Variants in EPRS1 observed in about 807,000 individuals in gnomAD.
EPRS1 encodes bifunctional glutamate/proline--tRNA ligase.
In EPRS1, 107 loss-of-function variants were observed where a neutral mutation model predicts 188.3. The ratio of observed to expected loss-of-function variants is 0.57; its 90% confidence interval spans 0.49 to 0.67. EPRS1 has a LOEUF of 0.67. Ranked by LOEUF, EPRS1 falls within the 30% of genes least tolerant of loss-of-function variation. The pLI, the probability that EPRS1 is intolerant of heterozygous loss-of-function variation, is 0.00. For missense variants in EPRS1, 1,577 were observed against 1,802.2 expected (o/e 0.88, Z 2.26); for synonymous variants, 596 against 593.1 (o/e 1.00, Z -0.07).
At chr1:219,993,733 T>C (rs1661167793) in intron 18 of EPRS1, among the ~76,000 whole-genome samples, 1 of 152,222 alleles carries the variant, frequency 6.6e-6, no homozygotes, top group Non-Finnish European at 1.5e-5. Context: ...TATAACTCTC[T>C]AGCGCTTTCA....
intron 28 of EPRS1, among the ~76,000 whole-genome samples, chr1:219,977,712 A>G (rs1216537325): frequency 6.6e-6 from 1 of 152,230 alleles, no homozygotes. Flanking sequence ...CAATATAATT[A>G]CCATTCCTCA....
At chr1:220,016,626 C>G (rs1433059665) in intron 12 of EPRS1, among the ~76,000 whole-genome samples, 4 of 101,340 alleles carry the variant, frequency 3.9e-5, no homozygotes, top group African/African-American at 1.6e-4. Flanking sequence ...ACTATGTTGT[C>G]TAGGCTGGTC....
chr1:219,981,753 T>C (rs1010453440), intron 23 of EPRS1, among the ~76,000 whole-genome samples: 1 of 152,208 alleles, frequency 6.6e-6, no homozygotes, highest in Non-Finnish European at 1.5e-5. Flanking sequence ...TTTTCACATT[T>C]TGTTTTTAAA....
chr1:219,973,849 T>C (rs1005657828), intron 28 of EPRS1, among the ~76,000 whole-genome samples: 3 of 152,212 alleles, frequency 2.0e-5, no homozygotes, highest in Non-Finnish European at 4.4e-5. Context: ...ATCTTTAGCA[T>C]GCATTATGAT....
At chr1:219,987,465 C>A in intron 19 of EPRS1, 61 bp from the exon 20 acceptor site, 1 of 1,322,174 alleles carries the variant, frequency 7.6e-7, no homozygotes, top group Non-Finnish European at 1.0e-6. Context: ...ATTGTCTAAG[C>A]ACACTTAAAC....
intron 22 of EPRS1, 151 bp downstream of exon 22, chr1:219,983,038 G>A (rs1465555924): frequency 1.4e-6 from 1 of 737,768 alleles, no homozygotes; most frequent in Non-Finnish European, 2.2e-6. Flanking sequence ...GTTAATTAAT[G>A]TAACAAAATC....
chr1:219,972,118 A>G lies in EPRS1; in HGVS notation c.4274T>C (p.Val1425Ala). The change falls in exon 30 of 32, where the codon GTT (valine) becomes GCT (alanine). Residue 1425 changes from valine (V) to alanine (A), a missense_variant. Transcript: ENST00000366923. ...RASEDLKTHM[V>A]VANTMEDFQK... Reference sequence around the variant, plus strand: ...AAAGTCTTCCATTGTATTAGCCACAACCATATGAGTCTTAAGGTCTTCAGA... The same window carrying G: ...AAAGTCTTCCATTGTATTAGCCACAGCCATATGAGTCTTAAGGTCTTCAGA... 6.2e-7 allele frequency: 1 copy of G among 1,600,546 alleles called. No individual in the cohort carries two copies. The highest frequency in any genetic ancestry group is 8.5e-7 in the Non-Finnish European group (1 of 1,173,686).
In EPRS1 at chr1:220,020,027, T is replaced by C. The variant is rs1481450968; in HGVS notation, c.1310A>G (p.Lys437Arg). The C allele has an allele frequency of 1.2e-6, 2 of 1,614,008 alleles. No homozygotes were observed. Among genetic ancestry groups the C allele is most frequent in the South Asian group, 2.2e-5 (2 of 91,072 alleles). The stretch of plus-strand genomic sequence containing the variant: ...TCCTTCATTGACAAACCATGTGAGT[T>C]TTCTTTTGGATAGCACTGTGTTGTT... Reference protein sequence around the residue: ...NLNNTVLSKRKLTWFVNEGLV... With the variant: ...NLNNTVLSKRRLTWFVNEGLV... The change falls in exon 10 of 32, where the codon AAA becomes AGA. Residue 437 changes from lysine (K) to arginine (R), a missense_variant. Lys to Arg is a conservative substitution (Grantham distance 26, BLOSUM62 2). Around this residue, in one of 3 missense-constraint regions of EPRS1, gnomAD observed 1,278 missense variants for 1,457.4 expected, o/e 0.88. Coordinates refer to ENST00000366923, the MANE Select transcript of EPRS1 (RefSeq NM_004446.3).
At position 219,997,350 on chromosome 1, in the gene EPRS1, G is replaced by A. The variant is rs371947131; in HGVS notation, c.2182-8C>T. On this transcript the variant is annotated splice_region_variant and splice_polypyrimidine_tract_variant and intron_variant, in intron 17 of 31. Transcript: ENST00000366923. Reference sequence around the variant, plus strand: ...CTTAAAAGGAGCAGAGGTCTACCAAGAGAGAAAACCAAAAGTAAAATAATT... The same window carrying A: ...CTTAAAAGGAGCAGAGGTCTACCAAAAGAGAAAACCAAAAGTAAAATAATT... The A allele has an allele frequency of 1.3e-6, 2 of 1,539,772 alleles. No homozygotes were observed. The highest frequency in any genetic ancestry group is 2.8e-5 in the African/African-American group (2 of 71,772).
In EPRS1 at chr1:220,011,030, A is replaced by G. The variant is rs1367339545; in HGVS notation, c.1521T>C (p.Tyr507=). The change falls in exon 13 of 32, where the codon TAT becomes TAC. Residue 507 remains tyrosine, a synonymous_variant. Transcript: ENST00000366923. The stretch of plus-strand genomic sequence containing the variant: ...TCACTTCTTTCTTCAGTAATGCAAC[A>G]TATCGTGGAGCCACTGGGTCAATAA... ...KKVIDPVAPR[Y]VALLKKEVIP... is the part of the protein sequence containing the mutation. The G allele has an allele frequency of 3.1e-6, 5 of 1,612,576 alleles. No individual in the cohort carries two copies. Among genetic ancestry groups the G allele is most frequent in the South Asian group, 2.2e-5 (2 of 91,048 alleles).
intron 12 of EPRS1, 113 bp downstream of exon 12, chr1:220,018,336 A>AT (rs1356854780): frequency 9.8e-7 from 1 of 1,018,206 alleles, no homozygotes; most frequent in Non-Finnish European, 1.5e-6. Context: ...AGTCTGCAAA[A>AT]TGTTAATATT....
intron 13 of EPRS1, 156 bp from the exon 14 acceptor site, chr1:220,007,494 T>C: frequency 1.7e-6 from 1 of 594,366 alleles, no homozygotes. Context: ...GAAAATGCTT[T>C]ACTCTTTCTC....
chr1:220,039,429 T>C (rs1390269441), intron 2 of EPRS1, among the ~76,000 whole-genome samples: 1 of 152,180 alleles, frequency 6.6e-6, no homozygotes, highest in Admixed American at 6.5e-5. Flanking sequence ...GTCTCTAGAT[T>C]CAATTCTTTT....
At chr1:219,979,989 T>TCA (rs1308197183) in intron 26 of EPRS1, 96 bp downstream of exon 26, 1 of 644,518 alleles carries the variant, frequency 1.6e-6, no homozygotes, top group African/African-American at 3.4e-5. Flanking sequence ...CACTTATTTT[T>TCA]TAAGAGTCTA....
Position 219,973,288 on chromosome 1 carries a change from C to G in EPRS1, c.4194G>C (p.Glu1398Asp), listed in dbSNP as rs556846005. The change falls in exon 29 of 32, where the codon GAG becomes GAC. Residue 1398 changes from glutamate to aspartate, a missense_variant. Physicochemically the swap from Glu to Asp is conservative, Grantham distance 45. Around this residue, in one of 3 missense-constraint regions of EPRS1, gnomAD observed 296 missense variants for 327.9 expected, o/e 0.90. Transcript: ENST00000366923. Reference protein sequence around the residue: ...EKLTVAENEAETKLQAILEDI... With the variant: ...EKLTVAENEADTKLQAILEDI... ...CTTCCAAAATAGCTTGAAGTTTAGT[C>G]TCTGCCTCATTTTCAGCAACTGTCA... 1.7e-5 allele frequency: 28 copies of G among 1,612,710 alleles called. No homozygotes were observed. The highest frequency in any genetic ancestry group is 2.3e-5 in the Non-Finnish European group (27 of 1,179,694).
At chr1:219,993,467 C>T (rs1218126112) in intron 18 of EPRS1, among the ~76,000 whole-genome samples, 1 of 152,124 alleles carries the variant, frequency 6.6e-6, no homozygotes, top group African/African-American at 2.4e-5. Flanking sequence ...TGCCTTTACA[C>T]TTAAAAGTTC....
At chr1:219,998,175 T>G in intron 17 of EPRS1, among the ~76,000 whole-genome samples, 1 of 152,182 alleles carries the variant, frequency 6.6e-6, no homozygotes, top group South Asian at 2.1e-4. Flanking sequence ...CAGAATAATC[T>G]TATCCATATT....
Position 219,997,066 on chromosome 1 carries a change from T to C in EPRS1, c.2458A>G (p.Ile820Val). The C allele has an allele frequency of 6.2e-7, 1 of 1,613,966 alleles. No individual in the cohort carries two copies. The highest frequency in any genetic ancestry group is 1.1e-5 in the South Asian group (1 of 91,062). ...QNISSNSSAS[I>V]LESKSLYDEV... ...TCATACAGAGATTTACTTTCCAGAATACTTGCTGAGGAATTAGAAGAAATA... is the reference window on the plus strand; with the variant it reads ...TCATACAGAGATTTACTTTCCAGAACACTTGCTGAGGAATTAGAAGAAATA... The change falls in exon 18 of 32, where the codon ATT becomes GTT. Residue 820 changes from isoleucine (I) to valine (V), a missense_variant. Coordinates refer to ENST00000366923, the MANE Select transcript of EPRS1 (RefSeq NM_004446.3).
chr1:219,985,696 C>T (rs989787027), intron 20 of EPRS1, among the ~76,000 whole-genome samples: 20 of 152,156 alleles, frequency 1.3e-4, no homozygotes, highest in African/African-American at 2.9e-4. Flanking sequence ...TGAACCACCA[C>T]GCCTGGCCTC....
Sources: allele counts gnomAD v4.1 joint callset (sites outside exome capture counted in the v4.1 genomes callset), GRCh38; gene constraint gnomAD v4.1.1; regional missense constraint gnomAD v4.1.1; transcripts MANE v1.5; gene names NCBI Gene and HGNC (gene_info 2026-07-23, HGNC 2026-07-21).